MAST4: variants seen among roughly 807,000 people sequenced by gnomAD.
MAST4 encodes the protein microtubule associated serine/threonine kinase family member 4.
A neutral mutation model predicts 162.7 loss-of-function variants in MAST4; 89 were observed. That is an observed-to-expected ratio of 0.55 (90% CI 0.46 to 0.65). The LOEUF (loss-of-function observed/expected upper bound fraction) is 0.65. MAST4 is among the 30% of genes least tolerant of loss of function. MAST4 has a pLI of 0.00. For missense variants in MAST4, 3,153 were observed against 3,374.0 expected (o/e 0.93, Z 1.62); for synonymous variants, 1,479 against 1,361.1 (o/e 1.09, Z -1.91).
At chr5:66,821,050 C>T (rs1033525941) in intron 3 of MAST4, among the ~76,000 whole-genome samples, 6 of 152,188 alleles carry the variant, frequency 3.9e-5, no homozygotes, top group South Asian at 2.1e-4. Flanking sequence ...ACATGGGATG[C>T]GGCATATTTC....
intron 1 of MAST4, among the ~76,000 whole-genome samples, chr5:66,665,803 A>C (rs539712342): frequency 5.3e-5 from 8 of 152,332 alleles, no homozygotes; most frequent in Admixed American, 3.9e-4. Flanking sequence ...GTGGGATGGT[A>C]TATTAGTATC....
chr5:66,610,358 A>C (rs1743211238), intron 1 of MAST4, among the ~76,000 whole-genome samples: 1 of 152,192 alleles, frequency 6.6e-6, no homozygotes, highest in African/African-American at 2.4e-5. Flanking sequence ...ATGGTGATTC[A>C]GTTTCTAGAT....
At position 67,163,767 on chromosome 5, in the gene MAST4, G is replaced by A; in HGVS notation, c.4588G>A (p.Asp1530Asn). 3 of 1,610,444 alleles carry A rather than the reference G, an allele frequency of 1.9e-6. No individual in the cohort carries two copies. The highest frequency in any genetic ancestry group is 1.3e-5 in the African/African-American group (1 of 75,008). Reference sequence around the variant, plus strand: ...GGAGTCTGTGGACGACCTGGACCGCGACAAGCTGAAGGCCAAGGTGGTGGT... The same window carrying A: ...GGAGTCTGTGGACGACCTGGACCGCAACAAGCTGAAGGCCAAGGTGGTGGT... ...RQESVDDLDRDKLKAKVVVKK... is the reference protein window; with the variant it reads ...RQESVDDLDRNKLKAKVVVKK... The change falls in exon 29 of 29, where the codon GAC becomes AAC. Residue 1530 changes from aspartate (D) to asparagine (N), a missense_variant. By Grantham distance (23) the Asp-to-Asn change is conservative. This residue lies in a region of MAST4 where 1,644 missense variants were observed against 1,495.0 expected (regional missense o/e 1.10). Transcript: ENST00000403625. This position sits in a 1 kb window ranked among gnomAD's most constrained non-coding sequence, Gnocchi z 7.0.
At position 67,167,304 on chromosome 5, in the gene MAST4, A is replaced by G. The variant is rs569852782; in HGVS notation, c.*253A>G. On this transcript the variant is annotated 3_prime_UTR_variant, in exon 29 of 29. Transcript: ENST00000403625. ...AAAAAAAAAAAAAAATTACCTTTAC[A>G]GTTGAGGGTTGTTGAGGAAAATGAT... 18 of 338,138 alleles carry G rather than the reference A, an allele frequency of 5.3e-5. No individual in the cohort carries two copies. Among genetic ancestry groups the G allele is most frequent in the Admixed American group, 1.4e-4 (3 of 21,112 alleles). 20.9% of individuals were successfully genotyped at this position (338,138 alleles called of 1,614,324 possible).
chr5:66,941,483 A>G (rs1373612878), intron 4 of MAST4, among the ~76,000 whole-genome samples: 1 of 152,144 alleles, frequency 6.6e-6, no homozygotes, highest in Non-Finnish European at 1.5e-5. Flanking sequence ...TAGCTCTCGT[A>G]GAATTGAAGA....
chr5:67,035,360 A>G (rs1168069179), intron 4 of MAST4, among the ~76,000 whole-genome samples: 5 of 149,208 alleles, frequency 3.4e-5, no homozygotes, highest in Non-Finnish European at 1.5e-5. Context: ...GACTTTGGCT[A>G]AAAAAAAAAT....
At chr5:66,928,349 G>A (rs1456632774) in intron 4 of MAST4, among the ~76,000 whole-genome samples, 2 of 152,204 alleles carry the variant, frequency 1.3e-5, no homozygotes, top group Non-Finnish European at 2.9e-5. Flanking sequence ...TGAAAGGACT[G>A]TGGAAAAACA....
rs144611519 is a variant in MAST4, at chr5:66,916,766, C to G, written c.674+16784C>G. 5.5e-3 allele frequency among the ~76,000 whole-genome samples: 833 copies of G among 152,298 alleles called. 11 individuals are homozygous for G. The highest frequency in any genetic ancestry group is 0.019 in the African/African-American group (807 of 41,562). Reference sequence around the variant, plus strand: ...AGTTTTCTTTTGTCACCTTATCAGTCTCCCAAGTCAGTGGATACAAATTTA... The same window carrying G: ...AGTTTTCTTTTGTCACCTTATCAGTGTCCCAAGTCAGTGGATACAAATTTA... On this transcript the variant is annotated intron_variant, in intron 4 of 28. Transcript: ENST00000403625.
At chr5:67,128,021 A>C (rs1378939950) in intron 14 of MAST4, among the ~76,000 whole-genome samples, 1 of 152,218 alleles carries the variant, frequency 6.6e-6, no homozygotes, top group Non-Finnish European at 1.5e-5. Context: ...AACTTGAAGC[A>C]ATATGAATGT....
Position 66,646,099 on chromosome 5 carries a change from T to C in MAST4, c.363+49081T>C, listed in dbSNP as rs1280036911. On this transcript the variant is annotated intron_variant, in intron 1 of 28. Coordinates refer to ENST00000403625, the MANE Select transcript of MAST4 (RefSeq NM_001164664.2). Reference sequence around the variant, plus strand: ...TGCCAATAATTGAAACAATGAGATATTTTTGTAGTCGAATTCCCCCTCCCC... The same window carrying C: ...TGCCAATAATTGAAACAATGAGATACTTTTGTAGTCGAATTCCCCCTCCCC... 2.6e-5 allele frequency among the ~76,000 whole-genome samples: 4 copies of C among 152,282 alleles called. No homozygotes were observed. The South Asian group carries it at 8.3e-4, about 32-fold the overall frequency.
At chr5:66,743,833 T>C (rs970631065) in intron 1 of MAST4, among the ~76,000 whole-genome samples, 9 of 152,198 alleles carry the variant, frequency 5.9e-5, no homozygotes, top group African/African-American at 2.2e-4. Context: ...TATTTATTAA[T>C]AGATATTTAT....
At chr5:67,152,543 C>A in intron 24 of MAST4, 94 bp from the exon 25 acceptor site, 1 of 902,420 alleles carries the variant, frequency 1.1e-6, no homozygotes, top group Non-Finnish European at 1.8e-6. Context: ...TGTGACTATG[C>A]CCCCAGTCCT....
chr5:67,016,132 A>C (rs1440695990), intron 4 of MAST4, among the ~76,000 whole-genome samples: 1 of 152,184 alleles, frequency 6.6e-6, no homozygotes, highest in Non-Finnish European at 1.5e-5. Flanking sequence ...TAGATCTGCC[A>C]ACATCAGCCG....
intron 4 of MAST4, among the ~76,000 whole-genome samples, chr5:67,006,801 G>A (rs1422061111): frequency 1.3e-5 from 2 of 152,048 alleles, no homozygotes; most frequent in Non-Finnish European, 2.9e-5. Context: ...CACACTGACA[G>A]AGAGCCTAGA....
At chr5:66,949,707 G>T (rs1193668916) in intron 4 of MAST4, among the ~76,000 whole-genome samples, 1 of 152,012 alleles carries the variant, frequency 6.6e-6, no homozygotes, top group East Asian at 1.9e-4. Context: ...TATACTTAGG[G>T]TTCTATATTT....
chr5:67,150,279 T>C (rs1308795167), intron 24 of MAST4, among the ~76,000 whole-genome samples: 1 of 152,350 alleles, frequency 6.6e-6, no homozygotes, highest in East Asian at 1.9e-4. Context: ...ACCCTGATGG[T>C]TGTGATATCA....
chr5:66,612,507 A>G (rs1743356000), intron 1 of MAST4, among the ~76,000 whole-genome samples: 1 of 152,152 alleles, frequency 6.6e-6, no homozygotes, highest in Non-Finnish European at 1.5e-5. Context: ...GCTACTTGCA[A>G]AGGGCGTAGG....
intron 1 of MAST4, among the ~76,000 whole-genome samples, chr5:66,674,104 A>G (rs918062980): frequency 6.6e-6 from 1 of 152,228 alleles, no homozygotes. Flanking sequence ...GTGGCTAATC[A>G]TTGGGTCATA....
At chr5:67,015,811 T>C (rs1753222237) in intron 4 of MAST4, among the ~76,000 whole-genome samples, 1 of 152,224 alleles carries the variant, frequency 6.6e-6, no homozygotes. Context: ...TTATGAGTCA[T>C]GCATCTCTCT....
Sources: gnomAD v4.1 joint callset for allele counts (sites outside exome capture counted in the v4.1 genomes callset) on GRCh38, gnomAD v4.1.1 for gene constraint, gnomAD v4.1.1 regional missense constraint, Gnocchi (gnomAD v3.1) non-coding constraint, MANE v1.5 for transcripts, NCBI Gene and HGNC (gene_info 2026-07-23, HGNC 2026-07-21) for gene names.